The following LRMDA variants were observed in gnomAD, a reference collection of about 807,000 sequenced individuals.
The protein encoded by LRMDA is leucine rich melanocyte differentiation associated.
A neutral mutation model predicts 29.8 loss-of-function variants in LRMDA; 18 were observed. The observed-to-expected ratio is 0.60, with a 90% confidence interval of 0.42 to 0.90. The LOEUF (loss-of-function observed/expected upper bound fraction) is 0.90, where lower values mean the gene tolerates loss of function less well. Among genes scored for constraint, LRMDA ranks in the 40% least tolerant of loss-of-function variants. LRMDA has a pLI of 0.00. For missense variants in LRMDA, 273 were observed against 273.9 expected (o/e 1.00, Z 0.02); for synonymous variants, 125 against 109.4 (o/e 1.14, Z -0.89).
intron 2 of LRMDA, among the ~76,000 whole-genome samples, chr10:75,868,470 A>G (rs1845055922): frequency 1.3e-5 from 2 of 152,220 alleles, no homozygotes; most frequent in Admixed American, 6.5e-5. Flanking sequence ...CGTTGTCATT[A>G]TATGAATGTA....
chr10:76,055,374 A>C (rs753049362), intron 4 of LRMDA, among the ~76,000 whole-genome samples: 16 of 152,164 alleles, frequency 1.1e-4, no homozygotes, highest in Non-Finnish European at 1.8e-4. Flanking sequence ...CCTCTAAACT[A>C]TTCTCTCTGG....
intron 2 of LRMDA, among the ~76,000 whole-genome samples, chr10:75,600,383 C>T (rs1157855388): frequency 1.3e-5 from 2 of 152,178 alleles, no homozygotes; most frequent in African/African-American, 4.8e-5. Context: ...GGGAGCCCTC[C>T]CTTAAACCTG....
intron 6 of LRMDA, among the ~76,000 whole-genome samples, chr10:76,530,820 T>C (rs1466407325): frequency 6.6e-6 from 1 of 152,172 alleles, no homozygotes; most frequent in Non-Finnish European, 1.5e-5. Context: ...GTACTCCACG[T>C]GGTGTTCTGC....
At chr10:75,611,716 A>T (rs2132099646) in intron 2 of LRMDA, among the ~76,000 whole-genome samples, 1 of 152,306 alleles carries the variant, frequency 6.6e-6, no homozygotes, top group Non-Finnish European at 1.5e-5. Context: ...GAAGTAGAGA[A>T]ATGTGCTCCC....
chr10:75,799,348 C>G (rs1017830138), intron 2 of LRMDA, among the ~76,000 whole-genome samples: 1 of 152,128 alleles, frequency 6.6e-6, no homozygotes, highest in African/African-American at 2.4e-5. Flanking sequence ...CTTACTTTGT[C>G]CAATATCAGT....
At chr10:75,636,388 A>G (rs2132116303) in intron 2 of LRMDA, among the ~76,000 whole-genome samples, 1 of 152,314 alleles carries the variant, frequency 6.6e-6, no homozygotes, top group South Asian at 2.1e-4. Context: ...TTTAAGTCTC[A>G]CTTTCCAATG....
chr10:75,978,469 C>G (rs1158476588), intron 2 of LRMDA, among the ~76,000 whole-genome samples: 1 of 152,118 alleles, frequency 6.6e-6, no homozygotes, highest in African/African-American at 2.4e-5. Flanking sequence ...GTAAGACATT[C>G]TTTGACATCT....
intron 2 of LRMDA, among the ~76,000 whole-genome samples, chr10:75,620,331 G>A (rs539790675): frequency 5.4e-4 from 82 of 152,344 alleles, no homozygotes; most frequent in African/African-American, 1.9e-3. Flanking sequence ...TAAAATTTGT[G>A]ATGTAGACAG....
At chr10:75,503,116 G>T (rs1845133246) in intron 2 of LRMDA, among the ~76,000 whole-genome samples, 1 of 152,102 alleles carries the variant, frequency 6.6e-6, no homozygotes, top group Admixed American at 6.5e-5. Context: ...CAAAAGCCAG[G>T]CAGGGACTGC....
chr10:76,492,033 T>G (rs1842838488), intron 6 of LRMDA, among the ~76,000 whole-genome samples: 2 of 152,086 alleles, frequency 1.3e-5, no homozygotes, highest in African/African-American at 4.8e-5. Context: ...AATTTCTGCT[T>G]GTTTCTTTTA....
At chr10:75,761,098 G>A (rs911695440) in intron 2 of LRMDA, among the ~76,000 whole-genome samples, 2 of 152,192 alleles carry the variant, frequency 1.3e-5, no homozygotes, top group African/African-American at 4.8e-5. Context: ...ATTCAGAAAT[G>A]TTCAAATAGT....
At chr10:75,857,923 C>A (rs532326663) in intron 2 of LRMDA, among the ~76,000 whole-genome samples, 2 of 152,330 alleles carry the variant, frequency 1.3e-5, no homozygotes, top group South Asian at 4.1e-4. Context: ...ACAGGGATTG[C>A]TGATTTTAAG....
intron 2 of LRMDA, among the ~76,000 whole-genome samples, chr10:75,871,989 T>C (rs910143860): frequency 6.6e-6 from 1 of 152,250 alleles, no homozygotes; most frequent in Non-Finnish European, 1.5e-5. Flanking sequence ...TCTTCACATG[T>C]GCATCCATTG....
At chr10:76,484,058 C>T (rs1842758086) in intron 6 of LRMDA, among the ~76,000 whole-genome samples, 1 of 151,876 alleles carries the variant, frequency 6.6e-6, no homozygotes, top group African/African-American at 2.4e-5. Flanking sequence ...TTGCCGTTTT[C>T]ATTGTCATAT....
intron 2 of LRMDA, among the ~76,000 whole-genome samples, chr10:75,520,758 G>A (rs563337302): frequency 6.6e-6 from 1 of 152,154 alleles, no homozygotes; most frequent in Non-Finnish European, 1.5e-5. Context: ...GAGGAGAAGA[G>A]GTGCTCTGGT....
At chr10:76,227,915 A>G (rs1851989644) in intron 5 of LRMDA, among the ~76,000 whole-genome samples, 1 of 152,240 alleles carries the variant, frequency 6.6e-6, no homozygotes. Context: ...ATACTTATAT[A>G]AGAAAATGTG....
At chr10:75,871,996 A>G (rs1248282403) in intron 2 of LRMDA, among the ~76,000 whole-genome samples, 1 of 152,222 alleles carries the variant, frequency 6.6e-6, no homozygotes, top group Non-Finnish European at 1.5e-5. Context: ...ATGTGCATCC[A>G]TTGAGGCATT....
chr10:76,419,988 CTGTGTT>C (rs1437813040), intron 6 of LRMDA, among the ~76,000 whole-genome samples: 2 of 152,012 alleles, frequency 1.3e-5, no homozygotes, highest in Non-Finnish European at 2.9e-5. Flanking sequence ...GATTTTGAAT[CTGTGTT>C]TATGACAAAG....
chr10:75,431,795 C>T, intron 1 of LRMDA, 41 bp downstream of exon 1: 1 of 1,328,274 alleles, frequency 7.5e-7, no homozygotes. Context: ...GGGCGCAGTC[C>T]GCGTGGGGAG....
Sources: allele counts gnomAD v4.1 joint callset (sites outside exome capture counted in the v4.1 genomes callset), GRCh38; gene constraint gnomAD v4.1.1; transcripts MANE v1.5; gene names NCBI Gene and HGNC (gene_info 2026-07-23, HGNC 2026-07-21).